Variants in MAGI1 observed in about 807,000 individuals in gnomAD.
MAGI1 encodes membrane-associated guanylate kinase, WW and PDZ domain-containing protein 1.
In MAGI1, 58 loss-of-function variants were observed where a neutral mutation model predicts 139.9. The ratio of observed to expected loss-of-function variants is 0.41; its 90% CI spans 0.34 to 0.52. The LOEUF (loss-of-function observed/expected upper bound fraction) is 0.52. MAGI1 is among the 20% of genes least tolerant of loss of function. MAGI1 has a pLI of 0.12. For synonymous variants in MAGI1, 812 were observed against 737.9 expected (o/e 1.10, Z -1.63); for missense variants, 1,874 against 1,901.6 (o/e 0.99, Z 0.27).
chr3:65,989,928 T>C (rs1351726736), intron 1 of MAGI1, among the ~76,000 whole-genome samples: 1 of 152,218 alleles, frequency 6.6e-6, no homozygotes, highest in Non-Finnish European at 1.5e-5. Context: ...CCTATGATTT[T>C]ACAGTTTTTA....
intron 1 of MAGI1, among the ~76,000 whole-genome samples, chr3:65,942,303 T>C (rs1273562797): frequency 6.6e-6 from 1 of 152,174 alleles, no homozygotes; most frequent in African/African-American, 2.4e-5. Context: ...AAGAATTCCT[T>C]ACTGAGAGTG....
At chr3:65,876,076 T>C (rs2060104834) in intron 1 of MAGI1, among the ~76,000 whole-genome samples, 1 of 151,640 alleles carries the variant, frequency 6.6e-6, no homozygotes, top group East Asian at 1.9e-4. Context: ...TTTTCAGTTT[T>C]GCTGGAGAGT....
At chr3:65,594,676 A>AT (rs1017462404) in intron 2 of MAGI1, among the ~76,000 whole-genome samples, 13 of 151,962 alleles carry the variant, frequency 8.6e-5, no homozygotes, top group Middle Eastern at 3.4e-3. Flanking sequence ...AACATAAGAA[A>AT]TTTTTTTTTC....
intron 10 of MAGI1, among the ~76,000 whole-genome samples, chr3:65,431,868 C>T (rs1000208712): frequency 6.6e-6 from 1 of 152,004 alleles, no homozygotes; most frequent in African/African-American, 2.4e-5. Context: ...TGGTGGATGC[C>T]TGTAATCCCA....
chr3:65,477,711 A>ATTATTATTAT (rs376492339), intron 4 of MAGI1, among the ~76,000 whole-genome samples: 1 of 141,612 alleles, frequency 7.1e-6, no homozygotes, highest in Non-Finnish European at 1.6e-5. Flanking sequence ...TATTATTATT[A>ATTATTATTAT]TTTTTTTTTT....
At chr3:65,906,251 A>C (rs1029443140) in intron 1 of MAGI1, among the ~76,000 whole-genome samples, 1 of 152,200 alleles carries the variant, frequency 6.6e-6, no homozygotes, top group Non-Finnish European at 1.5e-5. Flanking sequence ...GGAGACATCA[A>C]TGTGGGTTGG....
intron 1 of MAGI1, among the ~76,000 whole-genome samples, chr3:65,780,326 T>C (rs1049812869): frequency 6.6e-6 from 1 of 152,232 alleles, no homozygotes; most frequent in African/African-American, 2.4e-5. Flanking sequence ...GCCCAGCCTA[T>C]GCTGTCATCT....
intron 1 of MAGI1, among the ~76,000 whole-genome samples, chr3:65,990,738 T>C (rs1317113842): frequency 6.6e-6 from 1 of 152,184 alleles, no homozygotes; most frequent in Non-Finnish European, 1.5e-5. Context: ...TTAGGTGGTA[T>C]ATATACAGAT....
Position 65,382,086 on chromosome 3 carries a change from C to A in MAGI1, c.2509-17G>T. 6.3e-7 allele frequency: 1 copy of A among 1,581,092 alleles called. No homozygotes were observed. Among genetic ancestry groups the A allele is most frequent in the South Asian group, 1.1e-5 (1 of 87,302 alleles). On this transcript the variant is annotated splice_polypyrimidine_tract_variant and intron_variant, in intron 15 of 22. Transcript: ENST00000402939. The stretch of plus-strand genomic sequence containing the variant: ...AATATAAATCTGTTGAGTAATTGAA[C>A]GATGGATGAAACATTGCTCTCCTAT...
intron 1 of MAGI1, among the ~76,000 whole-genome samples, chr3:65,703,379 T>C (rs1305694924): frequency 6.6e-6 from 1 of 150,610 alleles, no homozygotes; most frequent in African/African-American, 2.4e-5. Flanking sequence ...TCTCCCTGAT[T>C]AGAATAAAGA....
chr3:65,777,957 T>C (rs2038603198), intron 1 of MAGI1, among the ~76,000 whole-genome samples: 1 of 152,160 alleles, frequency 6.6e-6, no homozygotes, highest in Non-Finnish European at 1.5e-5. Context: ...TGGTAAATCA[T>C]GATTAAATAG....
chr3:65,939,734 G>T (rs754631390), intron 1 of MAGI1, among the ~76,000 whole-genome samples: 1 of 152,118 alleles, frequency 6.6e-6, no homozygotes, highest in Non-Finnish European at 1.5e-5. Flanking sequence ...TCGATTTGGG[G>T]AATAAAAGGA....
At chr3:65,869,049 C>T (rs1006610182) in intron 1 of MAGI1, among the ~76,000 whole-genome samples, 6 of 152,004 alleles carry the variant, frequency 3.9e-5, no homozygotes, top group South Asian at 2.1e-4. Flanking sequence ...GGGCGGATCA[C>T]GAGGTCAGGA....
chr3:65,883,253 A>T (rs990172626), intron 1 of MAGI1, among the ~76,000 whole-genome samples: 5 of 152,220 alleles, frequency 3.3e-5, no homozygotes, highest in African/African-American at 1.2e-4. Flanking sequence ...ATTTTACTAC[A>T]CAACAGTTAT....
chr3:65,360,011 G>C, intron 22 of MAGI1: 2 of 985,374 alleles, frequency 2.0e-6, no homozygotes, highest in Non-Finnish European at 2.4e-6. Context: ...TACTTCCCCT[G>C]TGGTTGGCCA....
At chr3:65,733,061 G>C (rs1424989339) in intron 1 of MAGI1, among the ~76,000 whole-genome samples, 2 of 151,154 alleles carry the variant, frequency 1.3e-5, no homozygotes, top group South Asian at 2.1e-4. Flanking sequence ...TTTTGTTTTT[G>C]TTTGTTTTTT....
At chr3:65,804,458 AAT>A (rs777279808) in intron 1 of MAGI1, among the ~76,000 whole-genome samples, 9 of 151,810 alleles carry the variant, frequency 5.9e-5, no homozygotes, top group South Asian at 2.1e-4. Context: ...TATTTATATC[AAT>A]ATGTTATACT....
chr3:65,990,384 T>C lies in MAGI1; in HGVS notation c.313+47612A>G, dbSNP rs115238760. On this transcript the variant is annotated intron_variant, in intron 1 of 22. Coordinates refer to ENST00000402939, the MANE Select transcript of MAGI1 (RefSeq NM_001033057.2). ...CTCAGGCTTGTTCCCTAACGGAAGA[T>C]TTACAAGTCTCTTAGGATGAGTACC... 6.5e-3 allele frequency among the ~76,000 whole-genome samples: 983 copies of C among 152,248 alleles called. 14 individuals are homozygous for C. Among genetic ancestry groups the C allele is most frequent in the African/African-American group, 0.022 (909 of 41,518 alleles).
intron 1 of MAGI1, among the ~76,000 whole-genome samples, chr3:65,742,638 C>G (rs1278613717): frequency 6.6e-6 from 1 of 152,340 alleles, no homozygotes; most frequent in East Asian, 1.9e-4. Context: ...GGTGCATGCA[C>G]AACAGCTGAC....
Sources: allele counts gnomAD v4.1 joint callset (sites outside exome capture counted in the v4.1 genomes callset), GRCh38; gene constraint gnomAD v4.1.1; transcripts MANE v1.5; gene names NCBI Gene and HGNC (gene_info 2026-07-23, HGNC 2026-07-21).